The following KCNIP1 variants were observed in gnomAD, a reference collection of about 807,000 sequenced individuals.
The protein encoded by KCNIP1 is potassium voltage-gated channel interacting protein 1.
KCNIP1 carries 18 observed loss-of-function variants against 33.0 expected under a neutral mutation model. The observed-to-expected ratio is 0.55, with a 90% CI of 0.38 to 0.81. KCNIP1 has a LOEUF of 0.81. Ranked by LOEUF, KCNIP1 falls within the 30% of genes least tolerant of loss-of-function variation. The pLI is 0.00. For synonymous variants in KCNIP1, 93 were observed against 98.3 expected (o/e 0.95, Z 0.32); for missense variants, 238 against 271.6 (o/e 0.88, Z 0.87).
intron 1 of KCNIP1, among the ~76,000 whole-genome samples, chr5:170,635,513 T>C (rs1254943166): frequency 1.3e-5 from 2 of 152,180 alleles, no homozygotes; most frequent in Non-Finnish European, 2.9e-5. Context: ...TGCTGTTTAT[T>C]TCCTGTTTAC....
intron 1 of KCNIP1, among the ~76,000 whole-genome samples, chr5:170,583,312 A>C (rs1757866777): frequency 6.6e-6 from 1 of 152,156 alleles, no homozygotes; most frequent in Non-Finnish European, 1.5e-5. Context: ...TACATGATAT[A>C]CCTCTACAGC....
At chr5:170,591,871 T>A (rs1175315507) in intron 1 of KCNIP1, among the ~76,000 whole-genome samples, 1 of 152,210 alleles carries the variant, frequency 6.6e-6, no homozygotes, top group East Asian at 1.9e-4. Context: ...TGCATCCACC[T>A]TTTTTTGCTA....
chr5:170,416,819 T>G (rs1755344040), intron 1 of KCNIP1, among the ~76,000 whole-genome samples: 1 of 152,186 alleles, frequency 6.6e-6, no homozygotes, highest in African/African-American at 2.4e-5. Flanking sequence ...TCATCCCCAT[T>G]TTACAGATGG....
intron 1 of KCNIP1, among the ~76,000 whole-genome samples, chr5:170,490,681 T>TA (rs1433089921): frequency 6.6e-6 from 1 of 152,094 alleles, no homozygotes; most frequent in Non-Finnish European, 1.5e-5. Flanking sequence ...AAAAGGTTAT[T>TA]AAAAAATCTC....
At chr5:170,682,784 CT>C (rs70979196) in intron 1 of KCNIP1, among the ~76,000 whole-genome samples, 536 of 71,366 alleles carry the variant, frequency 7.5e-3, no homozygotes, top group East Asian at 0.011. Flanking sequence ...TTCTTTGTTT[CT>C]TTTTTTTTTT....
At chr5:170,378,663 C>T (rs1269701916) in intron 1 of KCNIP1, 3 of 1,553,644 alleles carry the variant, frequency 1.9e-6, no homozygotes, top group Non-Finnish European at 2.6e-6. Flanking sequence ...CCCAGCCAGT[C>T]CCCTGTGCCC....
intron 1 of KCNIP1, among the ~76,000 whole-genome samples, chr5:170,591,490 G>C (rs528940922): frequency 2.0e-5 from 3 of 152,140 alleles, no homozygotes; most frequent in African/African-American, 7.2e-5. Flanking sequence ...TTTGGAGTGC[G>C]CAGTTCAGTA....
intron 1 of KCNIP1, among the ~76,000 whole-genome samples, chr5:170,630,357 T>C (rs1760010018): frequency 6.6e-6 from 1 of 152,242 alleles, no homozygotes; most frequent in Non-Finnish European, 1.5e-5. Flanking sequence ...GCATTCATTG[T>C]TCCTACTGTG....
At chr5:170,719,002 G>C in intron 2 of KCNIP1, 120 bp downstream of exon 2, 2 of 1,300,916 alleles carry the variant, frequency 1.5e-6, no homozygotes, top group Non-Finnish European at 2.1e-6. Context: ...AGGAAGGCCA[G>C]CTCTATAAAG....
At chr5:170,519,162 G>C (rs1269934137) in intron 1 of KCNIP1, among the ~76,000 whole-genome samples, 2 of 152,160 alleles carry the variant, frequency 1.3e-5, no homozygotes, top group Non-Finnish European at 2.9e-5. Context: ...ATTAATATTG[G>C]TATCATTTAT....
intron 1 of KCNIP1, among the ~76,000 whole-genome samples, chr5:170,379,663 A>T (rs941610486): frequency 6.6e-6 from 1 of 152,208 alleles, no homozygotes; most frequent in Non-Finnish European, 1.5e-5. Flanking sequence ...CCAACACTTT[A>T]AGAGAAGTTA....
chr5:170,409,554 C>T (rs1284120165), intron 1 of KCNIP1, among the ~76,000 whole-genome samples: 1 of 152,142 alleles, frequency 6.6e-6, no homozygotes, highest in Non-Finnish European at 1.5e-5. Flanking sequence ...GCTCTTGAGG[C>T]AGTCTGGGTT....
chr5:170,423,284 C>T (rs989620059), intron 1 of KCNIP1, among the ~76,000 whole-genome samples: 3 of 85,830 alleles, frequency 3.5e-5, no homozygotes, highest in Non-Finnish European at 6.8e-5. Context: ...CTTTTTCTTT[C>T]TTGTTTTTTT....
At chr5:170,659,983 A>G (rs1337092329) in intron 1 of KCNIP1, among the ~76,000 whole-genome samples, 2 of 152,168 alleles carry the variant, frequency 1.3e-5, no homozygotes, top group African/African-American at 4.8e-5. Flanking sequence ...CCTTAGGCAC[A>G]TTAGCCCATC....
chr5:170,394,701 T>C (rs1166057049), intron 1 of KCNIP1, among the ~76,000 whole-genome samples: 5 of 152,206 alleles, frequency 3.3e-5, no homozygotes, highest in Non-Finnish European at 5.9e-5. Context: ...CCATCACTGA[T>C]AGAGTGAACA....
At chr5:170,509,530 A>G (rs915713119) in intron 1 of KCNIP1, among the ~76,000 whole-genome samples, 1 of 144,322 alleles carries the variant, frequency 6.9e-6, no homozygotes, top group Non-Finnish European at 1.5e-5. Flanking sequence ...AAGTGAGCAT[A>G]TGCTTTAACA....
chr5:170,706,139 C>G (rs1763250299), intron 1 of KCNIP1, among the ~76,000 whole-genome samples: 1 of 152,098 alleles, frequency 6.6e-6, no homozygotes, highest in Non-Finnish European at 1.5e-5. Flanking sequence ...TGGCCAGCTT[C>G]CATTATGTTC....
At chr5:170,711,962 T>C (rs773132680) in intron 1 of KCNIP1, among the ~76,000 whole-genome samples, 17 of 152,154 alleles carry the variant, frequency 1.1e-4, no homozygotes, top group Non-Finnish European at 2.2e-4. Flanking sequence ...AGATGGTGGC[T>C]GAGCTGCCTT....
chr5:170,534,039 G>A (rs1755879673), intron 1 of KCNIP1, among the ~76,000 whole-genome samples: 2 of 152,122 alleles, frequency 1.3e-5, no homozygotes, highest in African/African-American at 4.8e-5. Flanking sequence ...AGGTGATAAA[G>A]GAAAAACATA....
Sources: gnomAD v4.1 joint callset for allele counts (sites outside exome capture counted in the v4.1 genomes callset) on GRCh38, gnomAD v4.1.1 for gene constraint, MANE v1.5 for transcripts, NCBI Gene and HGNC (gene_info 2026-07-23, HGNC 2026-07-21) for gene names.